MID1: variants seen among roughly 807,000 people sequenced by gnomAD.
MID1 encodes midline 1, also known as E3 ubiquitin-protein ligase Midline-1.
A neutral mutation model predicts 40.4 loss-of-function variants in MID1; 7 were observed. The observed-to-expected ratio is 0.17, with a 90% CI of 0.10 to 0.33. The LOEUF (loss-of-function observed/expected upper bound fraction) is 0.33, where lower values mean the gene tolerates loss of function less well. Ranked by LOEUF, MID1 falls within the 10% of genes least tolerant of loss-of-function variation. MID1 has a pLI of 1.00. For missense variants in MID1, 367 were observed against 558.5 expected (o/e 0.66, Z 3.46); for synonymous variants, 229 against 221.2 (o/e 1.04, Z -0.31).
intron 4 of MID1, among the ~76,000 whole-genome samples, chrX:10,493,578 ATTAT>A (rs1264751822): frequency 5.4e-5 from 6 of 111,984 alleles, no homozygotes; most frequent in Middle Eastern, 4.2e-3. Context: ...TTTCAAAAAA[ATTAT>A]TTATTTATTT....
At chrX:10,506,206 T>C (rs1931822696) in intron 3 of MID1, 1 of 958,689 alleles carries the variant, frequency 1.0e-6, no homozygotes, top group Non-Finnish European at 1.3e-6. Flanking sequence ...TGAAAGAGAC[T>C]TGAGTTTAGA....
chrX:10,566,806 A>ATAC lies in MID1; in HGVS notation c.660+81_660+82insGTA, dbSNP rs1029686411. 1.5e-5 allele frequency: 16 copies of ATAC among 1,045,707 alleles called. No homozygotes were observed. The Admixed American group carries it at 2.6e-4, about 17-fold the overall frequency. The allele number at this position is 1,045,707 out of a possible 1,213,427, so 86.2% of individuals were successfully genotyped here. ...GGTGAGGAGAAAACCTTCACCTGCC[A>ATAC]TGTAGCTAGCAGTGAATACACTTTT... On this transcript the variant is annotated intron_variant, in intron 2 of 9. Coordinates refer to ENST00000317552, the MANE Select transcript of MID1 (RefSeq NM_000381.4).
chrX:10,544,791 C>T (rs758035480), intron 2 of MID1, among the ~76,000 whole-genome samples: 6 of 111,717 alleles, frequency 5.4e-5, no homozygotes, highest in East Asian at 2.8e-4. Flanking sequence ...TATAGCCTGG[C>T]GAAAGTTTTG....
intron 1 of MID1, among the ~76,000 whole-genome samples, chrX:10,829,092 C>T (rs1049352970): frequency 8.9e-6 from 1 of 112,128 alleles, no homozygotes; most frequent in Admixed American, 9.4e-5. Context: ...AACTTGTTAT[C>T]TGTTCTCTGG....
At chrX:10,550,980 G>A (rs1933885398) in intron 2 of MID1, among the ~76,000 whole-genome samples, 1 of 111,569 alleles carries the variant, frequency 9.0e-6, no homozygotes, top group Non-Finnish European at 1.9e-5. Context: ...GTCGTCCCGA[G>A]GTACCTGTAG....
chrX:10,477,244 T>G (rs73492960), intron 5 of MID1, among the ~76,000 whole-genome samples: 2,490 of 112,690 alleles, frequency 0.022, 50 homozygotes, highest in African/African-American at 0.077. Flanking sequence ...CTTTATTCAG[T>G]CTCATCCAAA....
chrX:10,824,382 T>C (rs975624339), intron 1 of MID1, among the ~76,000 whole-genome samples: 1 of 112,399 alleles, frequency 8.9e-6, no homozygotes, highest in African/African-American at 3.2e-5. Context: ...TCCTTCATTA[T>C]CTTCAAACTA....
chrX:10,740,367 G>A (rs1160465047), intron 1 of MID1, among the ~76,000 whole-genome samples: 3 of 112,824 alleles, frequency 2.7e-5, no homozygotes, highest in Non-Finnish European at 5.6e-5. Flanking sequence ...TGAAGATCCA[G>A]CCAGGGACCA....
At chrX:10,608,592 G>C (rs779081807) in intron 1 of MID1, among the ~76,000 whole-genome samples, 29 of 111,479 alleles carry the variant, frequency 2.6e-4, no homozygotes, top group African/African-American at 8.8e-4. Flanking sequence ...TGGGGTAAGG[G>C]GTGGGTAAAG....
At chrX:10,646,614 A>G (rs372505540) in intron 1 of MID1, among the ~76,000 whole-genome samples, 1 of 111,529 alleles carries the variant, frequency 9.0e-6, no homozygotes, top group Non-Finnish European at 1.9e-5. Context: ...TGAGAAGCAC[A>G]TTTTTGCATG....
chrX:10,481,231 T>A (rs1234742811), intron 5 of MID1, among the ~76,000 whole-genome samples: 7 of 111,756 alleles, frequency 6.3e-5, no homozygotes, highest in Admixed American at 5.7e-4. Context: ...ATAGAAAAAG[T>A]CTGCTGATCT....
chrX:10,629,916 A>G (rs1245884005), intron 1 of MID1, among the ~76,000 whole-genome samples: 1 of 112,229 alleles, frequency 8.9e-6, no homozygotes. Flanking sequence ...CAAAGATCTC[A>G]AGCATAGAGA....
chrX:10,601,901 GT>G (rs61428047), intron 1 of MID1, among the ~76,000 whole-genome samples: 93 of 96,223 alleles, frequency 9.7e-4, no homozygotes, highest in South Asian at 7.4e-3. Flanking sequence ...TTTTGTTTTT[GT>G]TTTTTTTTTT....
rs756686563 is a variant in MID1, at chrX:10,523,197, A to C, written c.661-10T>G. 2.0e-6 allele frequency: 2 copies of C among 1,019,369 alleles called. No homozygotes were observed. Among genetic ancestry groups the C allele is most frequent in the Non-Finnish European group, 1.3e-6 (1 of 741,452 alleles). The allele number at this position is 1,019,369 out of a possible 1,213,427, so 84.0% of individuals were successfully genotyped here. On this transcript the variant is annotated splice_polypyrimidine_tract_variant and intron_variant, in intron 2 of 9. Transcript: ENST00000317552. Reference sequence around the variant, plus strand: ...TACTCTCTAAGTTTTGCTGTTCAAAAAAAAAAAAAAAAGAGGAAAAATATT... The same window carrying C: ...TACTCTCTAAGTTTTGCTGTTCAAACAAAAAAAAAAAAGAGGAAAAATATT...
At chrX:10,621,677 C>T (rs927068315), upstream of MID1, among the ~76,000 whole-genome samples, 7 of 109,954 alleles carry the variant, frequency 6.4e-5, no homozygotes, top group Non-Finnish European at 3.8e-5. Flanking sequence ...GTGAGCTCTG[C>T]CCAGTTCTGT....
chrX:10,637,780 A>C (rs1435470731), intron 1 of MID1, among the ~76,000 whole-genome samples: 4 of 111,721 alleles, frequency 3.6e-5, no homozygotes, highest in Non-Finnish European at 7.5e-5. Context: ...TGAAAAAGAG[A>C]CAGCAGCTAT....
chrX:10,762,536 T>C (rs1293958186), intron 1 of MID1, among the ~76,000 whole-genome samples: 1 of 109,693 alleles, frequency 9.1e-6, no homozygotes, highest in African/African-American at 3.3e-5. Context: ...TGGGCTCAAG[T>C]GATCCTCCCA....
chrX:10,516,344 G>A (rs1288761760), intron 3 of MID1, among the ~76,000 whole-genome samples: 5 of 109,050 alleles, frequency 4.6e-5, no homozygotes, highest in African/African-American at 1.0e-4. Context: ...ACAGGCGCCC[G>A]CCACCATGCC....
chrX:10,655,819 T>A (rs762952741), intron 1 of MID1, among the ~76,000 whole-genome samples: 1 of 110,555 alleles, frequency 9.0e-6, no homozygotes, highest in South Asian at 3.9e-4. Context: ...GGAGCAGCGA[T>A]TGATCATGTA....
Sources: gnomAD v4.1 joint callset for allele counts (sites outside exome capture counted in the v4.1 genomes callset) on GRCh38, gnomAD v4.1.1 for gene constraint, MANE v1.5 for transcripts, NCBI Gene and HGNC (gene_info 2026-07-23, HGNC 2026-07-21) for gene names.